The following MPRIP variants were observed in gnomAD, a reference collection of about 807,000 sequenced individuals.
MPRIP encodes myosin phosphatase Rho interacting protein, also known as myosin phosphatase Rho-interacting protein.
MPRIP carries 59 observed loss-of-function variants against 234.9 expected under a neutral mutation model. The ratio of observed to expected loss-of-function variants is 0.25; its 90% confidence interval spans 0.20 to 0.31. The LOEUF is 0.31. Among genes scored for constraint, MPRIP ranks in the 10% least tolerant of loss-of-function variants. The pLI, the probability that MPRIP is intolerant of heterozygous loss-of-function variation, is 1.00. For missense variants in MPRIP, 2,436 were observed against 3,071.0 expected (o/e 0.79, Z 4.89); for synonymous variants, 1,144 against 1,263.9 (o/e 0.91, Z 2.01).
intron 1 of MPRIP, among the ~76,000 whole-genome samples, chr17:17,053,848 T>C (rs974237835): frequency 6.6e-6 from 1 of 152,228 alleles, no homozygotes; most frequent in Non-Finnish European, 1.5e-5. Context: ...TGTCAGCCCC[T>C]TGAGGACTGG....
intron 6 of MPRIP, among the ~76,000 whole-genome samples, chr17:17,136,831 C>T (rs934527899): frequency 1.3e-5 from 2 of 152,122 alleles, no homozygotes; most frequent in Non-Finnish European, 2.9e-5. Flanking sequence ...CAGTCTCATC[C>T]CTCTCACCAT....
chr17:17,047,275 C>T (rs2088383392), intron 1 of MPRIP, among the ~76,000 whole-genome samples: 1 of 152,168 alleles, frequency 6.6e-6, no homozygotes, highest in African/African-American at 2.4e-5. Context: ...TTTGCTGACC[C>T]TGAACTAGAT....
chr17:17,088,192 G>A (rs1009188012), intron 3 of MPRIP, among the ~76,000 whole-genome samples: 1 of 152,190 alleles, frequency 6.6e-6, no homozygotes, highest in African/African-American at 2.4e-5. Context: ...GAGAGCTGTC[G>A]TGAGGGTAAA....
At chr17:17,081,637 C>T (rs1261836004) in intron 3 of MPRIP, among the ~76,000 whole-genome samples, 1 of 152,210 alleles carries the variant, frequency 6.6e-6, no homozygotes, top group Non-Finnish European at 1.5e-5. Context: ...GGGAGGAAGG[C>T]AGCAGCAGTC....
chr17:17,142,600 C>T, intron 7 of MPRIP, 27 bp from the exon 8 acceptor site: 2 of 1,609,022 alleles, frequency 1.2e-6, no homozygotes, highest in Non-Finnish European at 1.7e-6. Context: ...TCACTGCCAC[C>T]TCAGGGCCTC....
In MPRIP at chr17:17,164,966, C is replaced by A. The variant is rs551693381; in HGVS notation, c.3375C>A (p.Asp1125Glu). The A allele has an allele frequency of 4.6e-6, 6 of 1,303,128 alleles. No homozygotes were observed. Among genetic ancestry groups the A allele is most frequent in the African/African-American group, 3.0e-5 (2 of 65,856 alleles). 80.7% of individuals were successfully genotyped at this position (1,303,128 alleles called of 1,614,324 possible). Residue 1125 changes from aspartate to glutamate, a missense_variant, in exon 16 of 24, where the codon GAC becomes GAA. Transcript: ENST00000651222. ...TGACAGAGCGCGTGGCCACGTCCGA[C>A]GAGGATGTGGCTGAGCTCCGGGAAA... Reference protein sequence around the residue: ...QELTERVATSDEDVAELREKL... With the variant: ...QELTERVATSEEDVAELREKL...
intron 3 of MPRIP, among the ~76,000 whole-genome samples, chr17:17,112,947 C>G (rs1216663147): frequency 6.6e-6 from 1 of 152,256 alleles, no homozygotes; most frequent in Non-Finnish European, 1.5e-5. Flanking sequence ...GTGAGGCATC[C>G]TCAGCCCTGG....
At chr17:17,071,508 G>T (rs1333700243) in intron 1 of MPRIP, among the ~76,000 whole-genome samples, 1 of 152,070 alleles carries the variant, frequency 6.6e-6, no homozygotes, top group African/African-American at 2.4e-5. Context: ...TCTTATACAT[G>T]ATGGCCCCAG....
intron 13 of MPRIP, among the ~76,000 whole-genome samples, chr17:17,157,354 C>T (rs941246086): frequency 5.3e-5 from 8 of 152,222 alleles, no homozygotes; most frequent in African/African-American, 1.4e-4. Flanking sequence ...TGCTGGCTGC[C>T]GCTTGCCTGC....
intron 16 of MPRIP, among the ~76,000 whole-genome samples, chr17:17,170,471 A>G (rs1761710378): frequency 6.6e-6 from 1 of 152,226 alleles, no homozygotes; most frequent in Non-Finnish European, 1.5e-5. Flanking sequence ...CATAGGTTGC[A>G]GTCAAGTCCA....
intron 19 of MPRIP, 86 bp downstream of exon 19, chr17:17,174,161 C>A: frequency 6.8e-7 from 1 of 1,481,056 alleles, no homozygotes; most frequent in Non-Finnish European, 9.2e-7. Flanking sequence ...CACACTGGAG[C>A]TGGAGCCAGG....
In MPRIP at chr17:17,143,793, G is replaced by A. The variant is rs533423994; in HGVS notation, c.1503+124G>A. 101 of 507,682 alleles carry A rather than the reference G, an allele frequency of 2.0e-4. 1 individual carries two copies. The South Asian group carries it at 3.4e-3, about 17-fold the overall frequency. The allele number at this position is 507,682 out of a possible 1,614,324, so 31.4% of individuals were successfully genotyped here. ...CCTCTGTGCACAGGCCCTCGTGTCC[G>A]TGAGCACCCCCACCCACCGACCCAC... On this transcript the variant is annotated intron_variant, in intron 9 of 23. Coordinates refer to ENST00000651222, the MANE Select transcript of MPRIP (RefSeq NM_001364716.4).
chr17:17,104,431 G>A (rs2090023384), intron 3 of MPRIP, among the ~76,000 whole-genome samples: 1 of 152,162 alleles, frequency 6.6e-6, no homozygotes, highest in Admixed American at 6.5e-5. Context: ...TTGCTTCTGT[G>A]TCCTGAGGAG....
chr17:17,055,064 A>AT (rs1228845271), intron 1 of MPRIP, among the ~76,000 whole-genome samples: 2 of 151,234 alleles, frequency 1.3e-5, no homozygotes, highest in East Asian at 1.9e-4. Context: ...AAAAAAAAAA[A>AT]TTTCTTTTTT....
At chr17:17,077,752 TAAAAA>T (rs10560581) in intron 2 of MPRIP, 1,196 of 305,468 alleles carry the variant, frequency 3.9e-3, no homozygotes, top group Middle Eastern at 7.6e-3. Context: ...TTCCAAGTGT[TAAAAA>T]AAAAAAAAAA....
intron 3 of MPRIP, among the ~76,000 whole-genome samples, chr17:17,096,271 G>GGT (rs1017386533): frequency 4.1e-5 from 6 of 147,932 alleles, no homozygotes; most frequent in East Asian, 2.0e-4. Flanking sequence ...TGCTTGGCAG[G>GGT]GTGTGTGTGT....
At chr17:17,141,188 G>A (rs1252862435) in intron 7 of MPRIP, among the ~76,000 whole-genome samples, 3 of 152,190 alleles carry the variant, frequency 2.0e-5, no homozygotes, top group Non-Finnish European at 2.9e-5. Context: ...CTAGGCCCCA[G>A]TGTTGGGCAG....
At chr17:17,142,428 G>A (rs568248988) in intron 7 of MPRIP, 199 bp from the exon 8 acceptor site, 23 of 584,914 alleles carry the variant, frequency 3.9e-5, no homozygotes, top group African/African-American at 3.6e-4. Flanking sequence ...AGGGGCAAGC[G>A]CAGGCCTGAT....
rs754573545 is a variant in MPRIP at position 17,166,276 on chromosome 17, T to C, written c.4685T>C (p.Val1562Ala). The C allele has an allele frequency of 7.7e-7, 1 of 1,304,306 alleles. No individual in the cohort carries two copies. Among genetic ancestry groups the C allele is most frequent in the South Asian group, 1.2e-5 (1 of 81,028 alleles). 80.8% of individuals were successfully genotyped at this position (1,304,306 alleles called of 1,614,324 possible). A position where few individuals can be genotyped will look rare whatever the true frequency, so the allele number is the denominator to read the frequency against. ...TCTGAGTTGACAGAGCAGGAGCAGGTGAGGCTTCTTTCTGACCAGATTGCT... is the reference window on the plus strand; with the variant it reads ...TCTGAGTTGACAGAGCAGGAGCAGGCGAGGCTTCTTTCTGACCAGATTGCT... ...SQSELTEQEQ[V>A]RLLSDQIALE... is the part of the protein sequence containing the mutation. Residue 1562 changes from valine to alanine, a missense_variant, in exon 16 of 24, where the codon GTG becomes GCG. This residue lies in a region of MPRIP where 1,998 missense variants were observed against 2,520.3 expected (regional missense o/e 0.79). Transcript: ENST00000651222. This position sits in a 1 kb window ranked among gnomAD's most constrained non-coding sequence, Gnocchi z 4.4.
Sources: gnomAD v4.1 joint callset for allele counts (sites outside exome capture counted in the v4.1 genomes callset) on GRCh38, gnomAD v4.1.1 for gene constraint, gnomAD v4.1.1 regional missense constraint, Gnocchi (gnomAD v3.1) non-coding constraint, MANE v1.5 for transcripts, NCBI Gene and HGNC (gene_info 2026-07-23, HGNC 2026-07-21) for gene names.